The following TNS1 variants were observed in gnomAD, a reference collection of about 807,000 sequenced individuals.
The protein encoded by TNS1 is tensin 1.
A neutral mutation model predicts 168.6 loss-of-function variants in TNS1; 62 were observed. The ratio of observed to expected loss-of-function variants is 0.37; its 90% CI spans 0.30 to 0.45. The LOEUF (loss-of-function observed/expected upper bound fraction) is 0.45, where lower values mean the gene tolerates loss of function less well. Among genes scored for constraint, TNS1 ranks in the 20% least tolerant of loss-of-function variants. TNS1 has a pLI of 1.00. For synonymous variants in TNS1, 934 were observed against 933.2 expected (o/e 1.00, Z -0.02); for missense variants, 2,240 against 2,339.4 (o/e 0.96, Z 0.88).
rs80273971 is a variant in TNS1 at position 217,886,027 on chromosome 2, G to A, written c.1040+17C>T. The A allele has an allele frequency of 1.4e-5, 22 of 1,613,544 alleles. No individual in the cohort carries two copies. In the Admixed American group the frequency reaches 2.2e-4, roughly 16 times the overall value. Reference sequence around the variant, plus strand: ...GCCTTGGGCTTCTCTGGCCTCTCACGCCCATGTAATACTTACTAGATGCCA... The same window carrying A: ...GCCTTGGGCTTCTCTGGCCTCTCACACCCATGTAATACTTACTAGATGCCA... On this transcript the variant is annotated intron_variant, in intron 14 of 32. Transcript: ENST00000682258.
In TNS1 at chr2:217,880,156, CG is replaced by C. The variant is rs1417596826; in HGVS notation, c.1429+741del. Among the ~76,000 whole-genome samples the C allele has an allele frequency of 6.6e-6, 1 of 152,188 alleles. No individual in the cohort carries two copies. The highest frequency in any genetic ancestry group is 2.4e-5 in the African/African-American group (1 of 41,444). On this transcript the variant is annotated intron_variant, in intron 18 of 32. Coordinates refer to ENST00000682258, the MANE Select transcript of TNS1 (RefSeq NM_001387777.1). This position sits in a 1 kb window ranked among gnomAD's most constrained non-coding sequence, Gnocchi z 4.2. ...CCTGGGCTCTGGGCATGCTCACTTT[CG>C]GAGCCCGCCCCACGTCTCCTTACAC...
At chr2:217,831,122 C>T (rs759704253) in intron 22 of TNS1, among the ~76,000 whole-genome samples, 9 of 151,938 alleles carry the variant, frequency 5.9e-5, no homozygotes, top group Non-Finnish European at 1.2e-4. Flanking sequence ...CATGTATGTG[C>T]GCCCATGTAC....
In TNS1 at chr2:217,848,003, A is replaced by G. The variant is rs1364642; in HGVS notation, c.2514T>C (p.Asn838=). 0.34 allele frequency: 511,092 copies of G among 1,513,772 alleles called. 90,341 individuals are homozygous for G. The highest frequency in any genetic ancestry group is 0.59 in the African/African-American group (42,554 of 71,936). 93.8% of individuals were successfully genotyped at this position (1,513,772 alleles called of 1,614,324 possible). The part of the protein sequence containing the change: ...QEIEQSIETL[N]MLMLDLEPAS... ...CTGGCTCCAGGTCCAGCATCAGCAT[A>G]TTGAGTGTTTCGATGGACTGTTCAA... Residue 838 remains asparagine (N), a synonymous_variant, in exon 19 of 33, where the codon AAT becomes AAC. Coordinates refer to ENST00000682258, the MANE Select transcript of TNS1 (RefSeq NM_001387777.1).
intron 3 of TNS1, among the ~76,000 whole-genome samples, chr2:217,968,497 C>A (rs535552540): frequency 6.6e-6 from 1 of 151,664 alleles, no homozygotes; most frequent in East Asian, 1.9e-4. Context: ...AATGAAAGAC[C>A]TAAAAATGAA....
intron 21 of TNS1, among the ~76,000 whole-genome samples, chr2:217,834,641 G>A (rs1210773476): frequency 1.3e-5 from 2 of 152,132 alleles, no homozygotes; most frequent in African/African-American, 4.8e-5. Context: ...GAGGGTCCTG[G>A]GTCCCTCTCT....
At position 217,818,606 on chromosome 2, in the gene TNS1, C is replaced by T. The variant is rs367925904; in HGVS notation, c.3726G>A (p.Pro1242=). The change falls in exon 24 of 33, where the codon CCG becomes CCA. Residue 1242 remains proline, a synonymous_variant. Transcript: ENST00000682258. The part of the protein sequence containing the change: ...QRNYQSSSPL[P]TVGSSYSSPD... The stretch of plus-strand genomic sequence containing the variant: ...GGCTGCTGTAGCTACTGCCCACAGT[C>T]GGGAGAGGAGAAGAGCTCTGGTAGT... 46 of 1,614,064 alleles carry T rather than the reference C, an allele frequency of 2.8e-5. No homozygotes were observed. The highest frequency in any genetic ancestry group is 4.0e-5 in the African/African-American group (3 of 74,922).
intron 20 of TNS1, among the ~76,000 whole-genome samples, chr2:217,835,498 C>T (rs887554489): frequency 5.3e-5 from 8 of 152,208 alleles, no homozygotes; most frequent in Admixed American, 5.2e-4. Flanking sequence ...TCCAGATCTA[C>T]TACCCTGAAA....
Position 217,916,855 on chromosome 2 carries a change from C to A in TNS1, c.228+3340G>T, listed in dbSNP as rs115698054. Among the ~76,000 whole-genome samples the A allele has an allele frequency of 8.1e-3, 1,228 of 152,222 alleles. 14 individuals carry two copies. The highest frequency in any genetic ancestry group is 0.028 in the African/African-American group (1,157 of 41,496). On this transcript the variant is annotated intron_variant, in intron 4 of 32. Transcript: ENST00000682258. ...GTCCAGACAGAGAGCTGGAACTCAACTGAGACATGAAGAAAACACAACACA... is the reference window on the plus strand; with the variant it reads ...GTCCAGACAGAGAGCTGGAACTCAAATGAGACATGAAGAAAACACAACACA...
In TNS1 at chr2:217,932,984, C is replaced by T. The variant is rs567395443; in HGVS notation, c.187-12748G>A. 5.3e-5 allele frequency among the ~76,000 whole-genome samples: 8 copies of T among 152,264 alleles called. No individual in the cohort carries two copies. The South Asian group carries it at 8.3e-4, about 16-fold the overall frequency. On this transcript the variant is annotated intron_variant, in intron 3 of 32. Coordinates refer to ENST00000682258, the MANE Select transcript of TNS1 (RefSeq NM_001387777.1). Reference sequence around the variant, plus strand: ...AGGAGCCCCCGCAAGCAGAAAGTCCCGAGGGCAGGACAGCCCAGCTCTCTG... The same window carrying T: ...AGGAGCCCCCGCAAGCAGAAAGTCCTGAGGGCAGGACAGCCCAGCTCTCTG...
rs371011381 is a variant in TNS1, at chr2:217,808,036, A to T, written c.5375+39T>A. The stretch of plus-strand genomic sequence containing the variant: ...GTGCTTCCCTCACTGTGAAGTACAA[A>T]GGCCAGCCTGCTGGGCAGGGGTAAG... On this transcript the variant is annotated intron_variant, in intron 32 of 32. Coordinates refer to ENST00000682258, the MANE Select transcript of TNS1 (RefSeq NM_001387777.1). The T allele has an allele frequency of 2.5e-6, 4 of 1,612,186 alleles. No homozygotes were observed. The African/African-American group carries it at 5.3e-5, about 22-fold the overall frequency.
chr2:217,919,844 G>C (rs1221394227), intron 4 of TNS1, among the ~76,000 whole-genome samples: 1 of 152,238 alleles, frequency 6.6e-6, no homozygotes, highest in Admixed American at 6.5e-5. Flanking sequence ...CAGGGTGCCT[G>C]ACCCGGGACC....
At chr2:217,923,395 C>A (rs1336523493) in intron 3 of TNS1, among the ~76,000 whole-genome samples, 1 of 152,234 alleles carries the variant, frequency 6.6e-6, no homozygotes, top group Non-Finnish European at 1.5e-5. Flanking sequence ...TGCTCTGTGC[C>A]AGGCACTGTT....
intron 30 of TNS1, among the ~76,000 whole-genome samples, chr2:217,809,548 G>GATGGATGGATGGATGGGTGC (rs1559141483): frequency 1.1e-4 from 9 of 84,194 alleles, no homozygotes; most frequent in Non-Finnish European, 1.6e-4. Flanking sequence ...TGCATGGATG[G>GATGGATGGATGGATGGGTGC]ATGGATGGAT....
intron 4 of TNS1, among the ~76,000 whole-genome samples, chr2:217,915,153 G>A (rs889490429): frequency 8.5e-5 from 13 of 152,112 alleles, no homozygotes; most frequent in African/African-American, 1.9e-4. Context: ...GCATCGGGTC[G>A]GAGTTCAGGC....
chr2:217,842,273 T>C, intron 19 of TNS1: 2 of 567,388 alleles, frequency 3.5e-6, no homozygotes, highest in Non-Finnish European at 3.1e-6. Context: ...CTTAAACTCC[T>C]GACTCATTTA....
intron 4 of TNS1, among the ~76,000 whole-genome samples, chr2:217,917,942 T>C (rs1221400533): frequency 6.6e-6 from 1 of 151,122 alleles, no homozygotes; most frequent in Non-Finnish European, 1.5e-5. Context: ...AGGCATCATA[T>C]ATGTTCAAGA....
chr2:217,945,828 G>A (rs1168024463), intron 3 of TNS1, among the ~76,000 whole-genome samples: 23 of 152,232 alleles, frequency 1.5e-4, no homozygotes, highest in Non-Finnish European at 1.5e-5. Context: ...TGCAGACTAA[G>A]GGCTCCTCTG....
intron 18 of TNS1, among the ~76,000 whole-genome samples, chr2:217,871,982 C>T (rs1231204117): frequency 3.9e-5 from 6 of 152,248 alleles, no homozygotes; most frequent in Admixed American, 3.9e-4. Context: ...TGTTAAGTAG[C>T]AGTGCAAATC....
At chr2:217,897,440 G>T (rs771689722) in intron 8 of TNS1, among the ~76,000 whole-genome samples, 1 of 152,232 alleles carries the variant, frequency 6.6e-6, no homozygotes, top group African/African-American at 2.4e-5. Context: ...GTGCCTGCTT[G>T]CTAGGGCTGC....
Sources: allele counts gnomAD v4.1 joint callset (sites outside exome capture counted in the v4.1 genomes callset), GRCh38; gene constraint gnomAD v4.1.1; non-coding constraint Gnocchi (gnomAD v3.1); transcripts MANE v1.5; gene names NCBI Gene and HGNC (gene_info 2026-07-23, HGNC 2026-07-21).